Variants in OTUD7A observed in about 807,000 individuals in gnomAD.
OTUD7A encodes the protein OTU domain-containing protein 7A.
OTUD7A carries 12 observed loss-of-function variants against 65.7 expected under a neutral mutation model. The observed-to-expected ratio is 0.18, with a 90% CI of 0.12 to 0.30. OTUD7A has a LOEUF of 0.30. OTUD7A is among the 10% of genes least tolerant of loss of function. OTUD7A has a pLI of 1.00. For synonymous variants in OTUD7A, 641 were observed against 586.3 expected (o/e 1.09, Z -1.35); for missense variants, 1,148 against 1,304.8 (o/e 0.88, Z 1.85).
chr15:31,766,170 A>C, intron 1 of OTUD7A: 2 of 1,489,932 alleles, frequency 1.3e-6, no homozygotes, highest in Non-Finnish European at 1.9e-6. Flanking sequence ...GAAAGAAACT[A>C]ATCTTCCAGC....
intron 1 of OTUD7A, among the ~76,000 whole-genome samples, chr15:31,765,029 G>T (rs1595754081): frequency 6.7e-6 from 1 of 150,372 alleles, no homozygotes; most frequent in Non-Finnish European, 1.5e-5. Flanking sequence ...AATAATGAAA[G>T]GCACATAGCA....
chr15:31,583,843 T>C (rs575291188), intron 3 of OTUD7A, among the ~76,000 whole-genome samples: 1 of 152,218 alleles, frequency 6.6e-6, no homozygotes, highest in African/African-American at 2.4e-5. Context: ...CTCCCGTAGT[T>C]AGCAACGCTT....
At chr15:31,849,355 G>C (rs1184354547) in intron 1 of OTUD7A, among the ~76,000 whole-genome samples, 3 of 152,210 alleles carry the variant, frequency 2.0e-5, no homozygotes, top group Non-Finnish European at 2.9e-5. Flanking sequence ...GCCATATGTA[G>C]AAAGCTGAAA....
chr15:31,538,239 A>G (rs1385819731), intron 5 of OTUD7A, among the ~76,000 whole-genome samples: 4 of 152,114 alleles, frequency 2.6e-5, no homozygotes, highest in Non-Finnish European at 5.9e-5. Flanking sequence ...CCCCAGCTGG[A>G]GCTAGCACTG....
chr15:31,652,693 T>TA (rs61682009), intron 3 of OTUD7A, among the ~76,000 whole-genome samples: 16,551 of 152,022 alleles, frequency 0.11, 1,334 homozygotes, highest in East Asian at 0.44. Flanking sequence ...CGAAAGAGAA[T>TA]AAAAAGATGG....
intron 3 of OTUD7A, among the ~76,000 whole-genome samples, chr15:31,643,172 T>G (rs1216145868): frequency 7.4e-6 from 1 of 135,740 alleles, no homozygotes; most frequent in East Asian, 2.3e-4. Context: ...TTTTTAGAGA[T>G]GAGGGTCTCA....
chr15:31,839,910 T>C (rs1165876905), intron 1 of OTUD7A, among the ~76,000 whole-genome samples: 2 of 151,666 alleles, frequency 1.3e-5, no homozygotes, highest in Non-Finnish European at 2.9e-5. Context: ...AGATACAAAA[T>C]ATAAATGATA....
intron 3 of OTUD7A, among the ~76,000 whole-genome samples, chr15:31,626,643 A>G (rs958782179): frequency 2.0e-5 from 3 of 152,154 alleles, no homozygotes; most frequent in Non-Finnish European, 4.4e-5. Context: ...TGGTGCAATC[A>G]TAGCTCACTG....
intron 3 of OTUD7A, among the ~76,000 whole-genome samples, chr15:31,601,648 T>TA (rs570236642): frequency 3.5e-4 from 53 of 151,642 alleles, no homozygotes; most frequent in African/African-American, 1.0e-3. Context: ...AAAAACCCTT[T>TA]AAAAAAAATC....
At chr15:31,802,607 ATAAG>A (rs755445315) in intron 1 of OTUD7A, among the ~76,000 whole-genome samples, 2 of 152,248 alleles carry the variant, frequency 1.3e-5, no homozygotes, top group Non-Finnish European at 2.9e-5. Context: ...TATCCAGATT[ATAAG>A]TAACTACTTA....
chr15:31,560,521 C>T (rs558633391), intron 4 of OTUD7A, among the ~76,000 whole-genome samples: 8 of 152,316 alleles, frequency 5.3e-5, no homozygotes, highest in Admixed American at 3.3e-4. Flanking sequence ...TAATGACTAA[C>T]ATTGAACATA....
At chr15:31,554,741 T>C (rs2141151835) in intron 5 of OTUD7A, among the ~76,000 whole-genome samples, 1 of 152,338 alleles carries the variant, frequency 6.6e-6, no homozygotes, top group Non-Finnish European at 1.5e-5. Flanking sequence ...CAGCAGATGA[T>C]ACTTCCCAAC....
In OTUD7A at chr15:31,815,250, C is replaced by T. The variant is rs371441275; in HGVS notation, c.-100+55257G>A. 2.0e-5 allele frequency among the ~76,000 whole-genome samples: 3 copies of T among 147,186 alleles called. No homozygotes were observed. The East Asian group carries it at 6.0e-4, about 29-fold the overall frequency. On this transcript the variant is annotated intron_variant, in intron 1 of 12. Transcript: ENST00000307050. ...CTGTAGCCATAGCAGCAATTACATACAGACCTCTGATTTTAGCAGAGAAAG... is the reference window on the plus strand; with the variant it reads ...CTGTAGCCATAGCAGCAATTACATATAGACCTCTGATTTTAGCAGAGAAAG...
intron 10 of OTUD7A, among the ~76,000 whole-genome samples, chr15:31,491,050 T>C (rs1300671725): frequency 1.3e-5 from 2 of 152,116 alleles, no homozygotes; most frequent in East Asian, 1.9e-4. Context: ...AAAAGTGATT[T>C]ACTGCAGTCT....
intron 1 of OTUD7A, among the ~76,000 whole-genome samples, chr15:31,686,486 G>A (rs1331973593): frequency 2.0e-5 from 3 of 152,250 alleles, no homozygotes; most frequent in African/African-American, 7.2e-5. Flanking sequence ...CCAGAGGTTT[G>A]CTTTCACCTG....
intron 5 of OTUD7A, among the ~76,000 whole-genome samples, chr15:31,542,451 T>C (rs563933038): frequency 1.1e-4 from 17 of 152,026 alleles, no homozygotes; most frequent in African/African-American, 4.1e-4. Context: ...AGTTAATACA[T>C]TTGAAGATAA....
rs543255601 is a variant in OTUD7A at position 31,542,071 on chromosome 15, A to C, written c.551-11263T>G. Among the ~76,000 whole-genome samples the C allele has an allele frequency of 5.3e-5, 8 of 152,284 alleles. No homozygotes were observed. The South Asian group carries it at 1.7e-3, about 32-fold the overall frequency. Reference sequence around the variant, plus strand: ...TTCCTCTTGGGAAACTGGTACAAACAAACAAACAAAAACAATCTCTCTAAG... The same window carrying C: ...TTCCTCTTGGGAAACTGGTACAAACCAACAAACAAAAACAATCTCTCTAAG... On this transcript the variant is annotated intron_variant, in intron 5 of 12. Transcript: ENST00000307050.
intron 1 of OTUD7A, among the ~76,000 whole-genome samples, chr15:31,868,762 TG>T (rs1311161815): frequency 6.6e-6 from 1 of 152,180 alleles, no homozygotes; most frequent in African/African-American, 2.4e-5. Flanking sequence ...CAGGCCCAAG[TG>T]AGACCCGCAC....
At chr15:31,593,275 C>T (rs937993998) in intron 3 of OTUD7A, among the ~76,000 whole-genome samples, 2 of 151,882 alleles carry the variant, frequency 1.3e-5, no homozygotes, top group African/African-American at 2.4e-5. Context: ...GCACACAGGA[C>T]CTACATCTCC....
Sources: allele counts gnomAD v4.1 joint callset (sites outside exome capture counted in the v4.1 genomes callset), GRCh38; gene constraint gnomAD v4.1.1; transcripts MANE v1.5; gene names NCBI Gene and HGNC (gene_info 2026-07-23, HGNC 2026-07-21).